The following SOX5 variants were observed in gnomAD, a reference collection of about 807,000 sequenced individuals.
SOX5 encodes transcription factor SOX-5.
SOX5 carries 9 observed loss-of-function variants against 92.0 expected under a neutral mutation model. The observed-to-expected ratio is 0.10, with a 90% CI of 0.06 to 0.17. The LOEUF (loss-of-function observed/expected upper bound fraction) is 0.17, where lower values mean the gene tolerates loss of function less well. Among genes scored for constraint, SOX5 ranks in the 10% least tolerant of loss-of-function variants. The pLI is 1.00. For synonymous variants in SOX5, 344 were observed against 336.3 expected, an observed-to-expected ratio of 1.02 and a Z score of -0.25; for missense variants, 642 against 944.5, an observed-to-expected ratio of 0.68 and a Z score of 4.20.
chr12:23,884,532 G>A (rs1337331978), intron 2 of SOX5, among the ~76,000 whole-genome samples: 1 of 152,034 alleles, frequency 6.6e-6, no homozygotes, highest in African/African-American at 2.4e-5. Flanking sequence ...CGAAGTTAGG[G>A]TAAAATAAAA....
intron 6 of SOX5, among the ~76,000 whole-genome samples, chr12:23,723,120 C>T (rs2092912019): frequency 6.6e-6 from 1 of 152,056 alleles, no homozygotes; most frequent in Admixed American, 6.6e-5. Flanking sequence ...TACCCTCTAT[C>T]ATGAAAAGAT....
intron 6 of SOX5, among the ~76,000 whole-genome samples, chr12:23,696,770 A>T (rs936708226): frequency 5.3e-5 from 8 of 152,240 alleles, no homozygotes; most frequent in African/African-American, 1.7e-4. Flanking sequence ...CCGTATCACA[A>T]ATTTGGAATA....
rs1945159065 is a variant in SOX5, at chr12:24,095,082, A to T, written c.-2+118261T>A. Among the ~76,000 whole-genome samples, 4 of 128,048 alleles carry T rather than the reference A, an allele frequency of 3.1e-5. No individual in the cohort carries two copies. The South Asian group carries it at 8.8e-4, about 28-fold the overall frequency. The allele number at this position is 128,048 out of a possible 152,430, so 84.0% of individuals were successfully genotyped here. A position where few individuals can be genotyped will look rare whatever the true frequency, so the allele number is the denominator to read the frequency against. ...CTTCTTTTACTTTCTTATAATTTCT[A>T]GCCCCGAAACACACACACACACACA... is the stretch of plus-strand genomic sequence containing the variant. On this transcript the variant is annotated intron_variant, in intron 4 of 4. Coordinates refer to the SOX5 transcript ENST00000446891.
chr12:24,313,636 C>T (rs534444367), intron 2 of SOX5, among the ~76,000 whole-genome samples: 3 of 152,310 alleles, frequency 2.0e-5, no homozygotes, highest in Admixed American at 2.0e-4. Context: ...CCTTGTTTCC[C>T]CATTGGACTA....
Position 23,546,338 on chromosome 12 carries a change from G to T in SOX5, c.1575C>A (p.Phe525Leu). The stretch of plus-strand genomic sequence containing the variant: ...AACCATCAGAATCTCCACTCAGATT[G>T]AAATCCATCATTGCATGGCTAAATT... Reference protein sequence around the residue: ...EGKFSHAMMDFNLSGDSDGSA... With the variant: ...EGKFSHAMMDLNLSGDSDGSA... The change falls in exon 12 of 15, where the codon TTC becomes TTA. Residue 525 changes from phenylalanine (F) to leucine (L), a missense_variant. By Grantham distance (22) the Phe-to-Leu change is conservative (BLOSUM62 0). Around this residue, in one of 8 missense-constraint regions of SOX5, gnomAD observed 324 missense variants for 461.6 expected, o/e 0.70. Transcript: ENST00000451604. 1 of 1,590,102 alleles carries T rather than the reference G, an allele frequency of 6.3e-7. No homozygotes were observed. The highest frequency in any genetic ancestry group is 8.6e-7 in the Non-Finnish European group (1 of 1,158,814).
At chr12:24,532,634 G>A (rs1457858014) in intron 1 of SOX5, among the ~76,000 whole-genome samples, 1 of 152,132 alleles carries the variant, frequency 6.6e-6, no homozygotes, top group Non-Finnish European at 1.5e-5. Context: ...CACCAATAAT[G>A]TCTGGCAAAA....
chr12:24,240,374 T>C (rs118002167), intron 3 of SOX5, among the ~76,000 whole-genome samples: 2 of 152,284 alleles, frequency 1.3e-5, no homozygotes, highest in East Asian at 3.9e-4. Context: ...TTGTGTCAGG[T>C]TGCAATATAT....
At chr12:24,175,493 A>G (rs1954706910) in intron 4 of SOX5, among the ~76,000 whole-genome samples, 1 of 152,242 alleles carries the variant, frequency 6.6e-6, no homozygotes, top group South Asian at 2.1e-4. Context: ...CTGGGAGCAA[A>G]GATCTACAGT....
At position 23,605,906 on chromosome 12, in the gene SOX5, T is replaced by C. The variant is rs1180031181; in HGVS notation, c.1018-1373A>G. Among the ~76,000 whole-genome samples, 6 of 152,192 alleles carry C rather than the reference T, an allele frequency of 3.9e-5. No individual in the cohort carries two copies. In the East Asian group the frequency reaches 1.2e-3, roughly 29 times the overall value. On this transcript the variant is annotated intron_variant, in intron 8 of 14. Coordinates refer to ENST00000451604, the MANE Select transcript of SOX5 (RefSeq NM_006940.6). ...AAAACTAAAAGACCAGAAAAATATT[T>C]TTATATTAATAATTGTCTCATAAGG...
At chr12:24,226,598 G>A (rs1962048373) in intron 3 of SOX5, among the ~76,000 whole-genome samples, 1 of 152,026 alleles carries the variant, frequency 6.6e-6, no homozygotes, top group Admixed American at 6.5e-5. Flanking sequence ...AACCTCTGGA[G>A]TAACTGGGAT....
chr12:23,586,685 T>C (rs1306391671), intron 9 of SOX5, among the ~76,000 whole-genome samples: 1 of 151,466 alleles, frequency 6.6e-6, no homozygotes, highest in Admixed American at 6.6e-5. Flanking sequence ...TACAAAAATA[T>C]ATCAAGGGCA....
At chr12:24,133,762 C>A (rs1313790506) in intron 4 of SOX5, among the ~76,000 whole-genome samples, 1 of 152,104 alleles carries the variant, frequency 6.6e-6, no homozygotes, top group Non-Finnish European at 1.5e-5. Flanking sequence ...CTGGCCCTCT[C>A]GGGTAGTTCT....
intron 10 of SOX5, among the ~76,000 whole-genome samples, chr12:23,573,353 T>C (rs574590582): frequency 6.6e-6 from 1 of 152,310 alleles, no homozygotes; most frequent in African/African-American, 2.4e-5. Flanking sequence ...AACCATTCAT[T>C]AAAACTTCTC....
intron 4 of SOX5, among the ~76,000 whole-genome samples, chr12:24,015,970 A>G (rs1163856366): frequency 6.6e-6 from 1 of 152,106 alleles, no homozygotes; most frequent in African/African-American, 2.4e-5. Context: ...AGGAGCTCCT[A>G]GGAACTGAAA....
intron 1 of SOX5, among the ~76,000 whole-genome samples, chr12:24,456,032 C>T (rs559727858): frequency 1.5e-4 from 23 of 152,108 alleles, no homozygotes; most frequent in African/African-American, 5.1e-4. Flanking sequence ...AGAGCAGAGG[C>T]GAAAGTCTTA....
intron 1 of SOX5, among the ~76,000 whole-genome samples, chr12:24,463,440 A>G (rs534079555): frequency 2.6e-5 from 4 of 152,286 alleles, no homozygotes; most frequent in South Asian, 2.1e-4. Context: ...ACAAGACCTA[A>G]AAGTTACTAT....
At chr12:24,456,026 C>G (rs1942980934) in intron 1 of SOX5, among the ~76,000 whole-genome samples, 1 of 152,128 alleles carries the variant, frequency 6.6e-6, no homozygotes, top group Admixed American at 6.5e-5. Context: ...TACTGGAGAG[C>G]AGAGGCGAAA....
At chr12:23,934,347 A>G (rs949623646) in intron 1 of SOX5, among the ~76,000 whole-genome samples, 1 of 150,832 alleles carries the variant, frequency 6.6e-6, no homozygotes, top group Non-Finnish European at 1.5e-5. Flanking sequence ...ATACACATAC[A>G]TACATATAAA....
chr12:24,529,871 T>A (rs928889425), intron 1 of SOX5, among the ~76,000 whole-genome samples: 3 of 152,064 alleles, frequency 2.0e-5, no homozygotes, highest in African/African-American at 7.2e-5. Context: ...ATACAAAAAA[T>A]TAGCTAGGCG....
Sources: allele counts gnomAD v4.1 joint callset (sites outside exome capture counted in the v4.1 genomes callset), GRCh38; gene constraint gnomAD v4.1.1; regional missense constraint gnomAD v4.1.1; transcripts MANE v1.5; gene names NCBI Gene and HGNC (gene_info 2026-07-23, HGNC 2026-07-21).